The following COL28A1 variants were observed in gnomAD, a reference collection of about 807,000 sequenced individuals.
COL28A1 encodes collagen alpha-1(XXVIII) chain.
In COL28A1, 161 loss-of-function variants were observed where a neutral mutation model predicts 150.2. That is an observed-to-expected ratio of 1.07 (90% CI 0.94 to 1.22). The LOEUF is 1.22. COL28A1 is among the 50% of genes most tolerant of loss of function. The pLI is 0.00. For missense variants in COL28A1, 1,617 were observed against 1,388.3 expected (o/e 1.16, Z -2.62); for synonymous variants, 552 against 469.7 (o/e 1.18, Z -2.26).
At chr7:7,421,656 TA>T (rs1784394390) in intron 25 of COL28A1, among the ~76,000 whole-genome samples, 1 of 152,232 alleles carries the variant, frequency 6.6e-6, no homozygotes, top group Non-Finnish European at 1.5e-5. Flanking sequence ...GTCCATCTTT[TA>T]ATTTACTTTC....
intron 34 of COL28A1, 104 bp downstream of exon 34, chr7:7,360,286 T>C: frequency 8.6e-7 from 1 of 1,159,854 alleles, no homozygotes; most frequent in South Asian, 2.1e-5. Context: ...TTCCTCACAT[T>C]GTAGATACAG....
chr7:7,451,730 C>T (rs550511836), intron 18 of COL28A1, among the ~76,000 whole-genome samples: 1 of 152,166 alleles, frequency 6.6e-6, no homozygotes, highest in East Asian at 1.9e-4. Context: ...TCAAACTTGG[C>T]ACTTAGTATA....
chr7:7,362,266 T>G (rs1273377417), intron 33 of COL28A1, among the ~76,000 whole-genome samples: 9 of 84,250 alleles, frequency 1.1e-4, no homozygotes, highest in Middle Eastern at 5.4e-3. Context: ...TTGCAAATTT[T>G]TCCTTGGATT....
chr7:7,374,038 A>AAAAAAAATATAT, intron 31 of COL28A1, among the ~76,000 whole-genome samples: 7 of 113,658 alleles, frequency 6.2e-5, no homozygotes, highest in African/African-American at 2.7e-4. Context: ...AAAAAAAAAA[A>AAAAAAAATATAT]ATATATATAT....
downstream of COL28A1, among the ~76,000 whole-genome samples, chr7:7,353,201 T>A (rs969968066): frequency 1.3e-5 from 2 of 152,202 alleles, no homozygotes; most frequent in Non-Finnish European, 2.9e-5. Context: ...GTTCCTAAAC[T>A]GAAGTCTGTT....
intron 6 of COL28A1, among the ~76,000 whole-genome samples, chr7:7,519,529 C>T (rs1470869660): frequency 6.6e-6 from 1 of 152,058 alleles, no homozygotes; most frequent in Admixed American, 6.6e-5. Context: ...AACTTGGAAC[C>T]AAAATCCTAA....
intron 25 of COL28A1, among the ~76,000 whole-genome samples, chr7:7,423,780 G>A (rs1784502335): frequency 6.6e-6 from 1 of 152,016 alleles, no homozygotes; most frequent in Non-Finnish European, 1.5e-5. Context: ...TTTACCTCAG[G>A]CCAGCCTTGT....
chr7:7,398,342 T>C (rs970787514), intron 27 of COL28A1, among the ~76,000 whole-genome samples: 1 of 152,236 alleles, frequency 6.6e-6, no homozygotes, highest in African/African-American at 2.4e-5. Context: ...CTTTTAGTCC[T>C]TGCTTCCATT....
intron 15 of COL28A1, among the ~76,000 whole-genome samples, chr7:7,473,292 T>C (rs556887140): frequency 2.0e-5 from 3 of 152,068 alleles, no homozygotes; most frequent in Non-Finnish European, 2.9e-5. Flanking sequence ...TCTATACACC[T>C]GACAAAGGAC....
chr7:7,490,780 A>C (rs1779874440), intron 11 of COL28A1, 134 bp from the exon 12 acceptor site: 1 of 466,842 alleles, frequency 2.1e-6, no homozygotes, highest in Non-Finnish European at 3.8e-6. Context: ...GCCTGCCCTC[A>C]ATTGTTTACA....
chr7:7,444,216 G>A (rs1015495300), intron 19 of COL28A1, among the ~76,000 whole-genome samples: 1 of 152,060 alleles, frequency 6.6e-6, no homozygotes, highest in Non-Finnish European at 1.5e-5. Flanking sequence ...AGAAGGCAGA[G>A]GATGTGAGAC....
At chr7:7,370,435 T>A (rs1781164524) in intron 33 of COL28A1, among the ~76,000 whole-genome samples, 3 of 152,312 alleles carry the variant, frequency 2.0e-5, no homozygotes, top group African/African-American at 7.2e-5. Context: ...TGTTAATCTG[T>A]TTCAGCATAC....
intron 4 of COL28A1, 62 bp from the exon 5 acceptor site, chr7:7,522,023 C>A: frequency 1.2e-6 from 1 of 826,248 alleles, no homozygotes; most frequent in South Asian, 1.3e-5. Context: ...TGCAGCATTT[C>A]AAATTGTATT....
At chr7:7,435,946 T>C (rs1025247516) in intron 23 of COL28A1, among the ~76,000 whole-genome samples, 5 of 152,194 alleles carry the variant, frequency 3.3e-5, no homozygotes, top group Non-Finnish European at 7.3e-5. Context: ...AAACCAGATA[T>C]GATTACAGAA....
At chr7:7,497,279 G>A (rs946683747) in intron 11 of COL28A1, among the ~76,000 whole-genome samples, 13 of 152,192 alleles carry the variant, frequency 8.5e-5, no homozygotes, top group African/African-American at 3.1e-4. Context: ...GTATAAAGTT[G>A]TCAAAATGCT....
At chr7:7,441,246 T>C (rs1270193647) in intron 20 of COL28A1, among the ~76,000 whole-genome samples, 2 of 152,132 alleles carry the variant, frequency 1.3e-5, no homozygotes, top group Non-Finnish European at 1.5e-5. Flanking sequence ...CTATTTCAGG[T>C]TTAAAAGATG....
At chr7:7,429,431 T>C (rs2348045) in intron 25 of COL28A1, among the ~76,000 whole-genome samples, 3,725 of 102,658 alleles carry the variant, frequency 0.036, 158 homozygotes, top group African/African-American at 0.17. Flanking sequence ...CTCTCTCACA[T>C]ACACACACAC....
At chr7:7,509,645 G>T (rs73674572) in intron 9 of COL28A1, among the ~76,000 whole-genome samples, 23,621 of 145,740 alleles carry the variant, frequency 0.16, 2,537 homozygotes, top group African/African-American at 0.32. Flanking sequence ...GGTTTTTTTT[G>T]TTGTTGTTAT....
chr7:7,392,971 C>T (rs192685159), intron 27 of COL28A1, among the ~76,000 whole-genome samples: 322 of 152,176 alleles, frequency 2.1e-3, no homozygotes, highest in African/African-American at 7.4e-3. Flanking sequence ...CTGAAGCCTA[C>T]TTCTGTCAAT....
Sources: gnomAD v4.1 joint callset for allele counts (sites outside exome capture counted in the v4.1 genomes callset) on GRCh38, gnomAD v4.1.1 for gene constraint, MANE v1.5 for transcripts, NCBI Gene and HGNC (gene_info 2026-07-23, HGNC 2026-07-21) for gene names.